The following CEP290 variants were observed in gnomAD, a reference collection of about 807,000 sequenced individuals.
The protein encoded by CEP290 is centrosomal protein 290.
A neutral mutation model predicts 344.9 loss-of-function variants in CEP290; 317 were observed. The observed-to-expected ratio is 0.92, with a 90% CI of 0.84 to 1.01. The LOEUF (loss-of-function observed/expected upper bound fraction) is 1.01. Ranked by LOEUF, CEP290 falls within the 50% of genes least tolerant of loss-of-function variation. The pLI is 0.00. For synonymous variants in CEP290, 932 were observed against 895.8 expected (o/e 1.04, Z -0.72); for missense variants, 2,754 against 2,761.4 (o/e 1.00, Z 0.06).
chr12:88,097,608 C>T (rs11104735), intron 26 of CEP290, among the ~76,000 whole-genome samples: 50 of 69,044 alleles, frequency 7.2e-4, no homozygotes, highest in East Asian at 1.5e-3. Context: ...CACACACACA[C>T]ATACACACAC....
intron 43 of CEP290, among the ~76,000 whole-genome samples, chr12:88,069,386 G>C (rs552074521): frequency 2.0e-5 from 3 of 150,160 alleles, no homozygotes; most frequent in Admixed American, 6.6e-5. Flanking sequence ...CACATTATTA[G>C]AGAAAAAAAA....
intron 49 of CEP290, 162 bp downstream of exon 49, chr12:88,058,686 T>G: frequency 1.4e-6 from 1 of 722,990 alleles, no homozygotes; most frequent in South Asian, 1.9e-5. Context: ...AGAAAAAGTC[T>G]CCAACAATAC....
At chr12:88,105,847 G>C (rs542596930) in intron 25 of CEP290, among the ~76,000 whole-genome samples, 1 of 151,858 alleles carries the variant, frequency 6.6e-6, no homozygotes, top group African/African-American at 2.4e-5. Flanking sequence ...GGGCTCAAGC[G>C]ATCCTCCCAC....
At chr12:88,109,433 T>C (rs1234065187) in intron 22 of CEP290, among the ~76,000 whole-genome samples, 1 of 152,220 alleles carries the variant, frequency 6.6e-6, no homozygotes, top group Non-Finnish European at 1.5e-5. Context: ...TTAGATAGAA[T>C]AGTTATAAAC....
intron 43 of CEP290, among the ~76,000 whole-genome samples, chr12:88,071,047 G>A (rs1275679396): frequency 6.6e-6 from 1 of 152,106 alleles, no homozygotes; most frequent in African/African-American, 2.4e-5. Context: ...CCGATTGCAT[G>A]CTAAAACAAA....
chr12:88,086,542 C>G, intron 32 of CEP290, 44 bp from the exon 33 acceptor site: 1 of 1,344,702 alleles, frequency 7.4e-7, no homozygotes, highest in South Asian at 1.3e-5. Context: ...ACGAAGACAT[C>G]AGGCACATAA....
chr12:88,069,800 G>A (rs1301626165), intron 43 of CEP290, among the ~76,000 whole-genome samples: 2 of 152,136 alleles, frequency 1.3e-5, no homozygotes, highest in Non-Finnish European at 2.9e-5. Context: ...TAGAAAATGT[G>A]TATTTACAAA....
intron 26 of CEP290, among the ~76,000 whole-genome samples, chr12:88,098,680 A>T (rs563789838): frequency 6.6e-6 from 1 of 152,260 alleles, no homozygotes; most frequent in Admixed American, 6.5e-5. Context: ...ATAGAAAGGA[A>T]CATTTAGATA....
At chr12:88,090,027 TAC>T (rs2036905022) in intron 30 of CEP290, among the ~76,000 whole-genome samples, 1 of 152,088 alleles carries the variant, frequency 6.6e-6, no homozygotes, top group Admixed American at 6.6e-5. Context: ...GCCTGACTGT[TAC>T]AGTTTTTTTT....
intron 48 of CEP290, 68 bp from the exon 49 acceptor site, chr12:88,059,088 C>G (rs2034251894): frequency 1.6e-6 from 2 of 1,270,710 alleles, no homozygotes; most frequent in Non-Finnish European, 2.1e-6. Context: ...TCAGTGTATT[C>G]AAAATTATCA....
At chr12:88,115,382 C>G in intron 18 of CEP290, 200 bp from the exon 19 acceptor site, 1 of 786,752 alleles carries the variant, frequency 1.3e-6, no homozygotes, top group Non-Finnish European at 1.9e-6. Context: ...CCCACTTTCT[C>G]CCTCTCCCAA....
intron 37 of CEP290, among the ~76,000 whole-genome samples, chr12:88,081,407 A>C (rs957884450): frequency 1.3e-5 from 2 of 152,230 alleles, no homozygotes; most frequent in Admixed American, 6.5e-5. Flanking sequence ...CAAAAGATTT[A>C]GTTAATTCAA....
rs750969524 is a variant in CEP290 at position 88,064,113 on chromosome 12, A to T, written c.6138T>A (p.Ile2046=). ...AATGATCATCTGACTCTATTCCTGA[A>T]ATCTTCAGGGAAATGAAATTAGGAA... ...FSKDTYSKPS[I]SGIESDDHCQ... Residue 2046 remains isoleucine (I), a splice_region_variant and synonymous_variant, in exon 45 of 54, where the codon ATT becomes ATA. Coordinates refer to ENST00000552810, the MANE Select transcript of CEP290 (RefSeq NM_025114.4). 6 of 1,555,400 alleles carry T rather than the reference A, an allele frequency of 3.9e-6. No homozygotes were observed. In the South Asian group the frequency reaches 7.4e-5, roughly 19 times the overall value.
chr12:88,061,999 G>C (rs1188036063), intron 46 of CEP290, among the ~76,000 whole-genome samples: 2 of 152,044 alleles, frequency 1.3e-5, no homozygotes, highest in African/African-American at 4.8e-5. Context: ...GGCTGGTCTT[G>C]AACTCCTGAC....
intron 44 of CEP290, among the ~76,000 whole-genome samples, chr12:88,065,703 G>C (rs926617043): frequency 2.0e-5 from 3 of 152,076 alleles, no homozygotes; most frequent in African/African-American, 7.2e-5. Flanking sequence ...TTAAATATTA[G>C]AGTAGAGGGT....
chr12:88,092,100 T>C (rs1327512466), intron 29 of CEP290, among the ~76,000 whole-genome samples: 1 of 152,096 alleles, frequency 6.6e-6, no homozygotes, highest in East Asian at 1.9e-4. Flanking sequence ...TTACTCCTTA[T>C]ATATATTTTG....
At chr12:88,098,689 T>C (rs1019619785) in intron 26 of CEP290, among the ~76,000 whole-genome samples, 12 of 152,028 alleles carry the variant, frequency 7.9e-5, no homozygotes, top group African/African-American at 2.7e-4. Context: ...AACATTTAGA[T>C]AGAGCGGTTG....
At chr12:88,087,110 G>C (rs144040567) in intron 32 of CEP290, among the ~76,000 whole-genome samples, 2,444 of 152,220 alleles carry the variant, frequency 0.016, 27 homozygotes, top group East Asian at 0.023. Context: ...CAATCTCTGA[G>C]ACAGTCATAT....
rs1296990250 is a variant in CEP290, at chr12:88,134,875, A to G, written c.441+1768T>C. 2.6e-5 allele frequency among the ~76,000 whole-genome samples: 4 copies of G among 152,170 alleles called. No homozygotes were observed. In the East Asian group the frequency reaches 7.7e-4, roughly 29 times the overall value. On this transcript the variant is annotated intron_variant, in intron 6 of 53. Coordinates refer to ENST00000552810, the MANE Select transcript of CEP290 (RefSeq NM_025114.4). Reference sequence around the variant, plus strand: ...TTACCTCTAGGTCTTAGCAAATGCTATATCTTCTACCCAGAATGTTCTTTT... The same window carrying G: ...TTACCTCTAGGTCTTAGCAAATGCTGTATCTTCTACCCAGAATGTTCTTTT...
Sources: gnomAD v4.1 joint callset for allele counts (sites outside exome capture counted in the v4.1 genomes callset) on GRCh38, gnomAD v4.1.1 for gene constraint, MANE v1.5 for transcripts, NCBI Gene and HGNC (gene_info 2026-07-23, HGNC 2026-07-21) for gene names.